The following PRKCE variants were observed in gnomAD, a reference collection of about 807,000 sequenced individuals.
PRKCE encodes the protein protein kinase C epsilon.
Under a neutral mutation model 85.4 loss-of-function variants are expected in PRKCE, and 16 were observed. That is an observed-to-expected ratio of 0.19 (90% CI 0.13 to 0.28). The LOEUF is 0.28. PRKCE is among the 10% of genes least tolerant of loss of function. The pLI is 1.00. For missense variants in PRKCE, 573 were observed against 975.2 expected (o/e 0.59, Z 5.49); for synonymous variants, 388 against 371.5 (o/e 1.04, Z -0.51).
At chr2:45,931,086 A>T (rs544074687) in intron 2 of PRKCE, among the ~76,000 whole-genome samples, 1 of 152,362 alleles carries the variant, frequency 6.6e-6, no homozygotes, top group South Asian at 2.1e-4. Context: ...CAACAACATT[A>T]CATGACTTGC....
At chr2:46,113,902 G>T (rs373889569) in intron 11 of PRKCE, among the ~76,000 whole-genome samples, 15 of 152,200 alleles carry the variant, frequency 9.9e-5, no homozygotes, top group African/African-American at 3.1e-4. Context: ...TCAGATAGAT[G>T]ATTGGGCTTT....
At chr2:45,662,849 A>C (rs965968361) in intron 1 of PRKCE, among the ~76,000 whole-genome samples, 2 of 143,860 alleles carry the variant, frequency 1.4e-5, no homozygotes, top group African/African-American at 5.1e-5. Flanking sequence ...AGCCACTCAA[A>C]GAGTACTCTG....
In PRKCE at chr2:46,004,078, G is replaced by C; in HGVS notation, c.967-464G>C. 4.5e-6 allele frequency: 1 copy of C among 221,560 alleles called. No homozygotes were observed. Among genetic ancestry groups the C allele is most frequent in the South Asian group, 7.4e-5 (1 of 13,502 alleles). 13.7% of individuals were successfully genotyped at this position (221,560 alleles called of 1,614,324 possible). On this transcript the variant is annotated intron_variant, in intron 7 of 14. Transcript: ENST00000306156. This position sits in a 1 kb window ranked among gnomAD's most constrained non-coding sequence, Gnocchi z 4.1. The stretch of plus-strand genomic sequence containing the variant: ...TAGCCTGGTGATAACCACCTTGCTG[G>C]GGTAGATACCCACGTGGATAGTTGA...
chr2:45,824,839 G>A (rs1689815798), intron 1 of PRKCE, among the ~76,000 whole-genome samples: 5 of 152,124 alleles, frequency 3.3e-5, no homozygotes, highest in Admixed American at 3.3e-4. Flanking sequence ...AAATTCTAAT[G>A]GAGATTTCCT....
intron 10 of PRKCE, among the ~76,000 whole-genome samples, chr2:46,066,967 AC>A (rs1667674993): frequency 6.6e-6 from 1 of 152,212 alleles, no homozygotes; most frequent in South Asian, 2.1e-4. Context: ...ACATTGTATT[AC>A]TTCTGTGCAT....
chr2:46,167,532 G>A (rs1678459320), intron 14 of PRKCE, among the ~76,000 whole-genome samples: 1 of 152,154 alleles, frequency 6.6e-6, no homozygotes, highest in Non-Finnish European at 1.5e-5. Context: ...CCATTACAGG[G>A]CAGAAAGCAT....
chr2:46,108,642 A>T (rs1488384232), intron 11 of PRKCE, among the ~76,000 whole-genome samples: 1 of 152,216 alleles, frequency 6.6e-6, no homozygotes. Context: ...TTTCTACCCC[A>T]TGCATATCTA....
At chr2:45,868,669 A>T (rs1191136588) in intron 2 of PRKCE, among the ~76,000 whole-genome samples, 1 of 148,222 alleles carries the variant, frequency 6.7e-6, no homozygotes, top group Admixed American at 6.8e-5. Context: ...ACAGTGGCTC[A>T]TGCCTGTAAT....
chr2:45,922,294 T>G (rs1437225716), intron 2 of PRKCE, among the ~76,000 whole-genome samples: 2 of 152,210 alleles, frequency 1.3e-5, no homozygotes, highest in South Asian at 4.1e-4. Context: ...TCCTATCATA[T>G]GCAGTGCTTA....
intron 1 of PRKCE, among the ~76,000 whole-genome samples, chr2:45,752,765 A>C (rs1258264426): frequency 6.6e-6 from 1 of 151,744 alleles, no homozygotes; most frequent in Non-Finnish European, 1.5e-5. Context: ...CTAGGTACCT[A>C]CCTCCACCTC....
rs1302130461 is a variant in PRKCE, at chr2:45,784,128, A to G, written c.349-58872A>G. On this transcript the variant is annotated intron_variant, in intron 1 of 14. Coordinates refer to ENST00000306156, the MANE Select transcript of PRKCE (RefSeq NM_005400.3). Reference sequence around the variant, plus strand: ...GAAGGAATGAAGTGTGCTCATATTAAAAGAAAAGTAGCAATGCAAAGCAAA... The same window carrying G: ...GAAGGAATGAAGTGTGCTCATATTAGAAGAAAAGTAGCAATGCAAAGCAAA... Among the ~76,000 whole-genome samples the G allele has an allele frequency of 3.9e-5, 6 of 152,274 alleles. No homozygotes were observed. In the East Asian group the frequency reaches 5.8e-4, roughly 15 times the overall value.
At chr2:45,692,373 T>C (rs1420567170) in intron 1 of PRKCE, among the ~76,000 whole-genome samples, 1 of 152,136 alleles carries the variant, frequency 6.6e-6, no homozygotes, top group African/African-American at 2.4e-5. Context: ...CTCCTGGGCT[T>C]GTGTTAGCAC....
chr2:46,187,868 A>C lies in PRKCE; in HGVS notation c.*2987A>C, dbSNP rs1363291811. The C allele has an allele frequency of 6.7e-6, 1 of 149,020 alleles. No homozygotes were observed. The allele number at this position is 149,020 out of a possible 1,614,324, so 9.2% of individuals were successfully genotyped here. A position where few individuals can be genotyped will look rare whatever the true frequency, so the allele number is the denominator to read the frequency against. On this transcript the variant is annotated 3_prime_UTR_variant, in exon 15 of 15. Coordinates refer to ENST00000306156, the MANE Select transcript of PRKCE (RefSeq NM_005400.3). Reference sequence around the variant, plus strand: ...TTTTTTCCTTTCTGGATGTAATTTTAATCTCTTGCCATTCATTAGTGTTAT... The same window carrying C: ...TTTTTTCCTTTCTGGATGTAATTTTCATCTCTTGCCATTCATTAGTGTTAT...
At chr2:45,692,361 T>C (rs1395184721) in intron 1 of PRKCE, among the ~76,000 whole-genome samples, 1 of 152,094 alleles carries the variant, frequency 6.6e-6, no homozygotes, top group Admixed American at 6.6e-5. Flanking sequence ...TAGCCCCAGG[T>C]ACTCCTGGGC....
At chr2:45,707,948 G>A (rs993967434) in intron 1 of PRKCE, among the ~76,000 whole-genome samples, 1 of 152,168 alleles carries the variant, frequency 6.6e-6, no homozygotes, top group African/African-American at 2.4e-5. Context: ...CTTATGTCTG[G>A]TACCCCTGCG....
chr2:45,782,349 G>C (rs1686254662), intron 1 of PRKCE, among the ~76,000 whole-genome samples: 1 of 152,122 alleles, frequency 6.6e-6, no homozygotes, highest in Admixed American at 6.6e-5. Flanking sequence ...AGACAGACTT[G>C]GGTTCTAATC....
At chr2:46,090,092 G>C (rs923646512) in intron 11 of PRKCE, among the ~76,000 whole-genome samples, 2 of 152,162 alleles carry the variant, frequency 1.3e-5, no homozygotes, top group Non-Finnish European at 1.5e-5. Context: ...GTGATTGCTG[G>C]AGATGGATGA....
At chr2:45,665,963 A>G (rs147169637) in intron 1 of PRKCE, among the ~76,000 whole-genome samples, 356 of 152,238 alleles carry the variant, frequency 2.3e-3, no homozygotes, top group African/African-American at 7.8e-3. Context: ...AGTAGGTAAC[A>G]TATTTTTGAT....
chr2:46,151,214 C>G lies in PRKCE; in HGVS notation c.1905C>G (p.Val635=). ...LYPVWLSKEA[V]SILKAFMTKN... is the part of the protein sequence containing the mutation. ...CAGTCTGGCTCAGCAAGGAGGCTGT[C>G]AGCATCTTGAAAGCTGTGAGTCACT... The change falls in exon 13 of 15, where the codon GTC becomes GTG. Residue 635 remains valine, a synonymous_variant. Transcript: ENST00000306156. The G allele has an allele frequency of 6.3e-7, 1 of 1,596,730 alleles. No individual in the cohort carries two copies. The highest frequency in any genetic ancestry group is 8.5e-7 in the Non-Finnish European group (1 of 1,178,078).
Sources: allele counts gnomAD v4.1 joint callset (sites outside exome capture counted in the v4.1 genomes callset), GRCh38; gene constraint gnomAD v4.1.1; non-coding constraint Gnocchi (gnomAD v3.1); transcripts MANE v1.5; gene names NCBI Gene and HGNC (gene_info 2026-07-23, HGNC 2026-07-21).